Variants in ROBO1 observed in about 807,000 individuals in gnomAD.
ROBO1 encodes roundabout guidance receptor 1.
Under a neutral mutation model 195.9 loss-of-function variants are expected in ROBO1, and 149 were observed. The ratio of observed to expected loss-of-function variants is 0.76; its 90% CI spans 0.67 to 0.87. The LOEUF (loss-of-function observed/expected upper bound fraction) is 0.87. Ranked by LOEUF, ROBO1 falls within the 40% of genes least tolerant of loss-of-function variation. ROBO1 has a pLI of 0.00. For missense variants in ROBO1, 1,933 were observed against 2,068.3 expected, an observed-to-expected ratio of 0.93 and a Z score of 1.27; for synonymous variants, 816 against 733.2, an observed-to-expected ratio of 1.11 and a Z score of -1.82.
intron 4 of ROBO1, among the ~76,000 whole-genome samples, chr3:78,862,141 T>G (rs749911291): frequency 6.6e-6 from 1 of 152,140 alleles, no homozygotes; most frequent in Non-Finnish European, 1.5e-5. Context: ...GCAGAGAATT[T>G]TCTCTGCTTG....
chr3:79,165,315 A>G (rs1378716372), intron 2 of ROBO1, among the ~76,000 whole-genome samples: 1 of 152,240 alleles, frequency 6.6e-6, no homozygotes, highest in East Asian at 1.9e-4. Flanking sequence ...TAGATGTGGC[A>G]TTATAAGTAA....
intron 1 of ROBO1, among the ~76,000 whole-genome samples, chr3:79,646,051 A>C (rs2106707915): frequency 6.6e-6 from 1 of 152,282 alleles, no homozygotes. Context: ...CCTCAAAAGC[A>C]CAGGCAACTA....
intron 2 of ROBO1, among the ~76,000 whole-genome samples, chr3:79,421,032 T>C (rs2038202531): frequency 6.6e-6 from 1 of 152,176 alleles, no homozygotes; most frequent in Non-Finnish European, 1.5e-5. Flanking sequence ...CATGGAATAC[T>C]ATGTAGCCAT....
intron 2 of ROBO1, among the ~76,000 whole-genome samples, chr3:79,296,333 T>C (rs1201506955): frequency 2.0e-5 from 3 of 152,228 alleles, no homozygotes; most frequent in Non-Finnish European, 4.4e-5. Context: ...AACCATCTTT[T>C]ATATAATTTC....
chr3:79,624,306 C>T (rs1278176827), intron 1 of ROBO1, among the ~76,000 whole-genome samples: 2 of 152,026 alleles, frequency 1.3e-5, no homozygotes, highest in African/African-American at 4.8e-5. Context: ...GCAAAATAAT[C>T]AAATAGCAGA....
intron 10 of ROBO1, among the ~76,000 whole-genome samples, chr3:78,684,537 G>A (rs6788434): frequency 0.26 from 39,670 of 151,854 alleles, 5,419 homozygotes; most frequent in African/African-American, 0.34. Context: ...TTACGTAATC[G>A]GGAAAATAAG....
At chr3:78,830,688 C>G (rs537197048) in intron 4 of ROBO1, among the ~76,000 whole-genome samples, 1 of 152,114 alleles carries the variant, frequency 6.6e-6, no homozygotes, top group East Asian at 1.9e-4. Context: ...CTCCCTCCCA[C>G]GACATGTGGG....
intron 2 of ROBO1, among the ~76,000 whole-genome samples, chr3:79,154,372 T>C (rs2080822948): frequency 6.6e-6 from 1 of 151,726 alleles, no homozygotes; most frequent in Non-Finnish European, 1.5e-5. Context: ...CAACTTCAAA[T>C]AGATAAATTT....
At chr3:79,411,706 T>C (rs145524663) in intron 2 of ROBO1, among the ~76,000 whole-genome samples, 1 of 152,278 alleles carries the variant, frequency 6.6e-6, no homozygotes, top group African/African-American at 2.4e-5. Flanking sequence ...ACTCTTGCAA[T>C]AACATCTAGA....
At chr3:79,367,552 C>A (rs1361675196) in intron 2 of ROBO1, among the ~76,000 whole-genome samples, 3 of 152,210 alleles carry the variant, frequency 2.0e-5, no homozygotes, top group African/African-American at 7.2e-5. Flanking sequence ...GTCTACCCAT[C>A]GTTCGTTAAA....
At chr3:78,834,210 A>G (rs2032494098) in intron 4 of ROBO1, among the ~76,000 whole-genome samples, 1 of 152,058 alleles carries the variant, frequency 6.6e-6, no homozygotes, top group Admixed American at 6.6e-5. Context: ...GCTAATATCT[A>G]AAATAAGTAG....
intron 2 of ROBO1, among the ~76,000 whole-genome samples, chr3:79,300,420 C>A (rs545554098): frequency 1.3e-5 from 2 of 152,220 alleles, no homozygotes; most frequent in Non-Finnish European, 2.9e-5. Context: ...ACCGGCGCTG[C>A]GCTCGATTTC....
chr3:78,604,040 T>C (rs1273966247), intron 29 of ROBO1, among the ~76,000 whole-genome samples: 4 of 151,920 alleles, frequency 2.6e-5, no homozygotes, highest in African/African-American at 4.8e-5. Flanking sequence ...TCTCACCTAC[T>C]TTTTAATTTT....
intron 1 of ROBO1, among the ~76,000 whole-genome samples, chr3:79,685,235 C>T (rs988462964): frequency 2.0e-5 from 3 of 152,108 alleles, no homozygotes; most frequent in African/African-American, 7.2e-5. Context: ...TTTCTGAGGG[C>T]CTCTGTGTGC....
chr3:79,568,272 A>G (rs924019029), intron 2 of ROBO1, among the ~76,000 whole-genome samples: 3 of 152,184 alleles, frequency 2.0e-5, no homozygotes, highest in Non-Finnish European at 4.4e-5. Context: ...CAATCAGCAA[A>G]GTTGAAACCG....
chr3:79,436,441 G>A (rs1016241380), intron 2 of ROBO1, among the ~76,000 whole-genome samples: 2 of 151,556 alleles, frequency 1.3e-5, no homozygotes, highest in East Asian at 1.9e-4. Flanking sequence ...TTATTTCACC[G>A]CAGATAGTTT....
intron 2 of ROBO1, among the ~76,000 whole-genome samples, chr3:79,229,310 T>G (rs887062630): frequency 6.6e-6 from 1 of 152,102 alleles, no homozygotes; most frequent in Non-Finnish European, 1.5e-5. Context: ...AACTGACTAC[T>G]GTGTAGGAGA....
At chr3:79,584,253 AATATATATATAT>A (rs10526101) in intron 2 of ROBO1, among the ~76,000 whole-genome samples, 18 of 144,568 alleles carry the variant, frequency 1.2e-4, no homozygotes, top group East Asian at 4.2e-4. Flanking sequence ...AGGTACATGT[AATATATATATAT>A]ATATATATAT....
At chr3:79,419,221 G>A (rs1450198514) in intron 2 of ROBO1, among the ~76,000 whole-genome samples, 1 of 152,160 alleles carries the variant, frequency 6.6e-6, no homozygotes, top group Non-Finnish European at 1.5e-5. Flanking sequence ...TGTAATAAAT[G>A]GAAAGAACAG....
Sources: gnomAD v4.1 joint callset for allele counts (sites outside exome capture counted in the v4.1 genomes callset) on GRCh38, gnomAD v4.1.1 for gene constraint, MANE v1.5 for transcripts, NCBI Gene and HGNC (gene_info 2026-07-23, HGNC 2026-07-21) for gene names.